Variants in CGNL1 observed in about 807,000 individuals in gnomAD.
The protein encoded by CGNL1 is cingulin like 1.
In CGNL1, 132 loss-of-function variants were observed where a neutral mutation model predicts 141.2. The observed-to-expected ratio is 0.93, with a 90% CI of 0.81 to 1.08. CGNL1 has a LOEUF of 1.08. Ranked by LOEUF, CGNL1 falls within the 50% of genes least tolerant of loss-of-function variation. The pLI, the probability that CGNL1 is intolerant of heterozygous loss-of-function variation, is 0.00. For missense variants in CGNL1, 1,870 were observed against 1,588.6 expected (o/e 1.18, Z -3.01); for synonymous variants, 690 against 622.1 (o/e 1.11, Z -1.63).
At chr15:57,498,616 T>C (rs1235699224) in intron 8 of CGNL1, among the ~76,000 whole-genome samples, 1 of 152,192 alleles carries the variant, frequency 6.6e-6, no homozygotes, top group Non-Finnish European at 1.5e-5. Flanking sequence ...GCATGCTGTC[T>C]ATCCTAAAAC....
Position 57,461,885 on chromosome 15 carries a change from C to T in CGNL1, c.2396C>T (p.Ala799Val). 6.2e-7 allele frequency: 1 copy of T among 1,613,388 alleles called. No homozygotes were observed. Among genetic ancestry groups the T allele is most frequent in the Non-Finnish European group, 8.5e-7 (1 of 1,179,608 alleles). Residue 799 changes from alanine to valine, a missense_variant, in exon 8 of 19, where the codon GCA (alanine) becomes GTA (valine). Ala to Val is a moderately conservative substitution (Grantham distance 64). Transcript: ENST00000281282. ...LQALRESVEE[A>V]TKNVEVLASR... ...GCCCTGAGGGAGAGTGTGGAAGAAG[C>T]AACCAAGGTGAGGGATGGGGCAGGA...
chr15:57,430,035 T>G (rs2063025681), intron 1 of CGNL1, among the ~76,000 whole-genome samples: 1 of 152,178 alleles, frequency 6.6e-6, no homozygotes, highest in South Asian at 2.1e-4. Context: ...GGTCTGAGAC[T>G]CTTGGGCTCA....
chr15:57,498,829 G>A (rs920615144), intron 8 of CGNL1, among the ~76,000 whole-genome samples: 18 of 152,102 alleles, frequency 1.2e-4, no homozygotes, highest in African/African-American at 4.1e-4. Flanking sequence ...GTATGGTCCA[G>A]GAGGAACTTT....
At chr15:57,530,146 C>G (rs1250050268) in intron 13 of CGNL1, among the ~76,000 whole-genome samples, 1 of 152,226 alleles carries the variant, frequency 6.6e-6, no homozygotes, top group Non-Finnish European at 1.5e-5. Context: ...AACACTCCTG[C>G]TGGGTTCTGT....
chr15:57,383,884 C>T (rs1305352628), intron 1 of CGNL1, among the ~76,000 whole-genome samples: 1 of 152,044 alleles, frequency 6.6e-6, no homozygotes, highest in African/African-American at 2.4e-5. Flanking sequence ...AGCCATCCAC[C>T]CACCTAGGCC....
At position 57,439,355 on chromosome 15, in the gene CGNL1, C is replaced by CG. The variant is rs774885071; in HGVS notation, c.1360dup (p.Ala454GlyfsTer23). 2 of 1,614,120 alleles carry CG rather than the reference C, an allele frequency of 1.2e-6. No individual in the cohort carries two copies. The highest frequency in any genetic ancestry group is 3.3e-5 in the Admixed American group (2 of 60,022). Reference sequence around the variant, plus strand: ...TTGCAAAGCTGCAGGGAGCAGCGCACGGGGCTTCATGTGCCCACTCCAGGC... The same window carrying CG: ...TTGCAAAGCTGCAGGGAGCAGCGCACGGGGGCTTCATGTGCCCACTCCAGGC... On this transcript the variant is annotated frameshift_variant, in exon 2 of 19. Transcript: ENST00000281282. LOFTEE classifies it high-confidence loss of function.
intron 1 of CGNL1, among the ~76,000 whole-genome samples, chr15:57,400,062 A>G (rs564902076): frequency 1.3e-5 from 2 of 151,550 alleles, no homozygotes; most frequent in Admixed American, 6.6e-5. Flanking sequence ...GGCATAATCA[A>G]AGCTCACTGC....
intron 1 of CGNL1, among the ~76,000 whole-genome samples, chr15:57,381,654 G>A (rs752074740): frequency 6.6e-6 from 1 of 152,180 alleles, no homozygotes; most frequent in African/African-American, 2.4e-5. Context: ...ACTGTTTCTC[G>A]CTCCTCTTAA....
rs2140178008 is a variant in CGNL1, at chr15:57,531,582, G to T, written c.3202-108G>T. 3.0e-5 allele frequency: 21 copies of T among 711,670 alleles called. 1 individual carries two copies. The South Asian group carries it at 3.5e-4, about 12-fold the overall frequency. 44.1% of individuals were successfully genotyped at this position (711,670 alleles called of 1,614,324 possible). A position where few individuals can be genotyped will look rare whatever the true frequency, so the allele number is the denominator to read the frequency against. ...TATATTGTTTTTCCAAACTCTAATG[G>T]TAGTTAGCTCTCATTTGCCCTTAGG... On this transcript the variant is annotated intron_variant, in intron 13 of 18. Coordinates refer to ENST00000281282, the MANE Select transcript of CGNL1 (RefSeq NM_032866.5).
chr15:57,470,649 A>G (rs1418860154), intron 8 of CGNL1, among the ~76,000 whole-genome samples: 8 of 152,234 alleles, frequency 5.3e-5, no homozygotes, highest in Non-Finnish European at 1.2e-4. Flanking sequence ...TTCATTTGCC[A>G]TCAAATGCCT....
intron 1 of CGNL1, among the ~76,000 whole-genome samples, chr15:57,426,612 AT>A (rs35055374): frequency 0.5 from 59,987 of 119,524 alleles, 13,712 homozygotes; most frequent in East Asian, 0.57. Flanking sequence ...ATGCTTGGCT[AT>A]TTTTTTTTTT....
chr15:57,442,850 C>T (rs12593312), intron 4 of CGNL1, among the ~76,000 whole-genome samples: 51,578 of 152,056 alleles, frequency 0.34, 8,692 homozygotes, highest in African/African-American at 0.36. Context: ...AACGTCTGGG[C>T]TCAAGCAATC....
intron 8 of CGNL1, among the ~76,000 whole-genome samples, chr15:57,486,719 T>C (rs1361274752): frequency 6.6e-6 from 1 of 152,186 alleles, no homozygotes; most frequent in Non-Finnish European, 1.5e-5. Flanking sequence ...GACTTCCATT[T>C]TGTGCATGTT....
intron 7 of CGNL1, 37 bp downstream of exon 7, chr15:57,453,855 C>A: frequency 6.2e-7 from 1 of 1,608,326 alleles, no homozygotes; most frequent in Non-Finnish European, 8.5e-7. Context: ...TAAGACAGGC[C>A]CCACCTGCCT....
At chr15:57,478,815 T>A (rs1438204313) in intron 8 of CGNL1, among the ~76,000 whole-genome samples, 1 of 152,000 alleles carries the variant, frequency 6.6e-6, no homozygotes, top group East Asian at 1.9e-4. Flanking sequence ...CTTTTTGTAT[T>A]TTTTTTAGAG....
intron 14 of CGNL1, among the ~76,000 whole-genome samples, chr15:57,535,041 T>C (rs1255011863): frequency 2.0e-5 from 3 of 152,162 alleles, no homozygotes; most frequent in African/African-American, 7.2e-5. Flanking sequence ...ACCCCTCTCA[T>C]AGACTGTTAG....
intron 8 of CGNL1, among the ~76,000 whole-genome samples, chr15:57,482,861 T>C (rs2063742794): frequency 6.6e-6 from 1 of 152,084 alleles, no homozygotes; most frequent in Non-Finnish European, 1.5e-5. Flanking sequence ...CTCTGCTCAC[T>C]GCAACCTCTG....
intron 4 of CGNL1, among the ~76,000 whole-genome samples, chr15:57,447,288 A>G (rs1329012580): frequency 6.6e-6 from 1 of 152,010 alleles, no homozygotes; most frequent in Non-Finnish European, 1.5e-5. Flanking sequence ...CTGTGTTTCC[A>G]TCTCGGACTG....
rs182631882 is a variant in CGNL1 at position 57,469,446 on chromosome 15, A to G, written c.2403+7554A>G. On this transcript the variant is annotated intron_variant, in intron 8 of 18. Transcript: ENST00000281282. Reference sequence around the variant, plus strand: ...GGGGGCCGAGGGCCTGAGGAGGAAGAGAAGACACAGACACAGAGACCTGAA... The same window carrying G: ...GGGGGCCGAGGGCCTGAGGAGGAAGGGAAGACACAGACACAGAGACCTGAA... Among the ~76,000 whole-genome samples, 72 of 151,622 alleles carry G rather than the reference A, an allele frequency of 4.7e-4. 2 individuals are homozygous for G. In the South Asian group the frequency reaches 0.012, roughly 26 times the overall value.
Sources: allele counts gnomAD v4.1 joint callset (sites outside exome capture counted in the v4.1 genomes callset), GRCh38; gene constraint gnomAD v4.1.1; transcripts MANE v1.5; gene names NCBI Gene and HGNC (gene_info 2026-07-23, HGNC 2026-07-21).